The following CEP112 variants were observed in gnomAD, a reference collection of about 807,000 sequenced individuals.
The protein encoded by CEP112 is centrosomal protein of 112 kDa.
In CEP112, 127 loss-of-function variants were observed where a neutral mutation model predicts 153.0. That is an observed-to-expected ratio of 0.83 (90% CI 0.72 to 0.96). The LOEUF is 0.96. Among genes scored for constraint, CEP112 ranks in the 40% least tolerant of loss-of-function variants. The pLI is 0.00. For synonymous variants in CEP112, 358 were observed against 374.4 expected (o/e 0.96, Z 0.51); for missense variants, 1,089 against 1,101.2 (o/e 0.99, Z 0.16).
intron 20 of CEP112, among the ~76,000 whole-genome samples, chr17:65,856,310 C>G (rs2058119168): frequency 6.6e-6 from 1 of 152,014 alleles, no homozygotes; most frequent in African/African-American, 2.4e-5. Flanking sequence ...AAAAGAAAAG[C>G]TAATATTTGT....
chr17:66,035,366 G>T (rs1280222465), intron 12 of CEP112, among the ~76,000 whole-genome samples: 1 of 152,024 alleles, frequency 6.6e-6, no homozygotes, highest in African/African-American at 2.4e-5. Context: ...ACCGACAAGT[G>T]AGTACCTCTG....
At chr17:66,160,132 T>C (rs549880806) in intron 4 of CEP112, among the ~76,000 whole-genome samples, 36 of 152,114 alleles carry the variant, frequency 2.4e-4, no homozygotes, top group African/African-American at 8.2e-4. Context: ...ATGCAACTTA[T>C]AAGGAATCTG....
At chr17:66,154,936 C>A (rs1169129997) in intron 4 of CEP112, among the ~76,000 whole-genome samples, 1 of 152,118 alleles carries the variant, frequency 6.6e-6, no homozygotes. Context: ...ACAATTATTG[C>A]CAAAGTGGAT....
chr17:66,046,057 T>C (rs1457267658), intron 12 of CEP112, among the ~76,000 whole-genome samples: 1 of 152,048 alleles, frequency 6.6e-6, no homozygotes, highest in Non-Finnish European at 1.5e-5. Flanking sequence ...TTTCTTTTTT[T>C]TTTGAGAGAG....
intron 21 of CEP112, among the ~76,000 whole-genome samples, chr17:65,794,468 C>T (rs1382959098): frequency 6.6e-6 from 1 of 152,068 alleles, no homozygotes; most frequent in East Asian, 1.9e-4. Flanking sequence ...ACAATTTCTA[C>T]TCTCTAATTT....
intron 21 of CEP112, among the ~76,000 whole-genome samples, chr17:65,836,768 T>C (rs1243546852): frequency 6.6e-6 from 1 of 152,160 alleles, no homozygotes; most frequent in East Asian, 1.9e-4. Flanking sequence ...AACTGTCCTC[T>C]AGACCAAATA....
At chr17:65,660,346 C>CTT (rs141393108) in intron 24 of CEP112, among the ~76,000 whole-genome samples, 56,687 of 116,358 alleles carry the variant, frequency 0.49, 15,211 homozygotes, top group East Asian at 0.69. Flanking sequence ...TTCTTTTTCT[C>CTT]TCTCGTTCCT....
Position 65,865,168 on chromosome 17 carries a change from A to G in CEP112, c.2164-13134T>C, listed in dbSNP as rs551755044. Among the ~76,000 whole-genome samples the G allele has an allele frequency of 9.9e-5, 15 of 151,968 alleles. No homozygotes were observed. In the South Asian group the frequency reaches 3.1e-3, roughly 32 times the overall value. On this transcript the variant is annotated intron_variant, in intron 20 of 26. Transcript: ENST00000535342. ...GCGATCCTCCCACCTCAGCCTTCCC[A>G]GTAGCTGAGATCACAGGTGCATGCC...
chr17:65,767,369 T>C (rs1567983255), intron 21 of CEP112, among the ~76,000 whole-genome samples: 1 of 152,006 alleles, frequency 6.6e-6, no homozygotes. Context: ...CCAAAACCTA[T>C]GGGATGCCCA....
At chr17:65,645,754 C>A (rs927545169) in intron 24 of CEP112, among the ~76,000 whole-genome samples, 1 of 152,194 alleles carries the variant, frequency 6.6e-6, no homozygotes, top group African/African-American at 2.4e-5. Context: ...ATATACAGAA[C>A]AGTATTTGCT....
intron 23 of CEP112, among the ~76,000 whole-genome samples, chr17:65,719,262 G>A (rs2049729634): frequency 6.6e-6 from 1 of 152,160 alleles, no homozygotes; most frequent in Non-Finnish European, 1.5e-5. Context: ...GAACCAAAGG[G>A]CACAAGAGGT....
At chr17:65,701,887 T>TG (rs1429560429) in intron 23 of CEP112, among the ~76,000 whole-genome samples, 59 of 141,372 alleles carry the variant, frequency 4.2e-4, no homozygotes, top group African/African-American at 1.5e-3. Context: ...CTTCAACTTC[T>TG]TTTTTTTTTT....
rs567069367 is a variant in CEP112 at position 65,837,343 on chromosome 17, C to T, written c.2394+14461G>A. ...GAGCGCCTCTTCCTGGCCGTCATCCCGTCTAGGAAGTGAGGAGCGTCTCTG... is the reference window on the plus strand; with the variant it reads ...GAGCGCCTCTTCCTGGCCGTCATCCTGTCTAGGAAGTGAGGAGCGTCTCTG... On this transcript the variant is annotated intron_variant, in intron 21 of 26. Transcript: ENST00000535342. Among the ~76,000 whole-genome samples, 234 of 152,016 alleles carry T rather than the reference C, an allele frequency of 1.5e-3. 1 individual carries two copies. Among genetic ancestry groups the T allele is most frequent in the African/African-American group, 5.5e-3 (227 of 41,460 alleles).
intron 17 of CEP112, among the ~76,000 whole-genome samples, chr17:65,989,212 G>T (rs2063505432): frequency 7.0e-6 from 1 of 142,404 alleles, no homozygotes; most frequent in Non-Finnish European, 1.5e-5. Flanking sequence ...TGCAGCCTGG[G>T]AGACAGAGTG....
At position 65,647,624 on chromosome 17, in the gene CEP112, G is replaced by A. The variant is rs866852523; in HGVS notation, c.2698-6559C>T. On this transcript the variant is annotated intron_variant, in intron 24 of 26. Coordinates refer to ENST00000535342, the MANE Select transcript of CEP112 (RefSeq NM_001199165.4). Reference sequence around the variant, plus strand: ...CCCGAGTAGCTGGGACTACAGGTGCGTGCCACCATGCCCAGCTAATTTTTT... The same window carrying A: ...CCCGAGTAGCTGGGACTACAGGTGCATGCCACCATGCCCAGCTAATTTTTT... Among the ~76,000 whole-genome samples the A allele has an allele frequency of 4.7e-5, 7 of 148,426 alleles. 1 individual carries two copies. The highest frequency in any genetic ancestry group is 4.3e-4 in the South Asian group (2 of 4,680).
At chr17:65,802,239 C>T (rs374223679) in intron 21 of CEP112, among the ~76,000 whole-genome samples, 16 of 152,180 alleles carry the variant, frequency 1.1e-4, no homozygotes, top group South Asian at 4.1e-4. Flanking sequence ...TTTGTGGAGG[C>T]TTTTACTCTG....
In CEP112 at chr17:65,771,907, G is replaced by A. The variant is rs1023659429; in HGVS notation, c.2395-21183C>T. ...GTGGTGGTACATGTCTGTATTCCTAGCTACTTGGGAGTTGGGAGGTGGGAG... is the reference window on the plus strand; with the variant it reads ...GTGGTGGTACATGTCTGTATTCCTAACTACTTGGGAGTTGGGAGGTGGGAG... On this transcript the variant is annotated intron_variant, in intron 21 of 26. Transcript: ENST00000535342. Among the ~76,000 whole-genome samples, 4 of 152,044 alleles carry A rather than the reference G, an allele frequency of 2.6e-5. No homozygotes were observed. The East Asian group carries it at 7.7e-4, about 29-fold the overall frequency.
chr17:65,887,333 T>C (rs1289045538), intron 20 of CEP112, among the ~76,000 whole-genome samples: 1 of 152,192 alleles, frequency 6.6e-6, no homozygotes, highest in Non-Finnish European at 1.5e-5. Flanking sequence ...TATTGTTCCT[T>C]TCTCAAACTA....
chr17:66,008,782 T>C (rs2064383452), intron 16 of CEP112, among the ~76,000 whole-genome samples: 1 of 152,170 alleles, frequency 6.6e-6, no homozygotes. Flanking sequence ...ATAAGGGAGA[T>C]AATGCAGTAC....
Sources: gnomAD v4.1 joint callset for allele counts (sites outside exome capture counted in the v4.1 genomes callset) on GRCh38, gnomAD v4.1.1 for gene constraint, MANE v1.5 for transcripts, NCBI Gene and HGNC (gene_info 2026-07-23, HGNC 2026-07-21) for gene names.